Variants in KCND3 observed in about 807,000 individuals in gnomAD.
KCND3 encodes A-type voltage-gated potassium channel KCND3.
KCND3 carries 9 observed loss-of-function variants against 51.1 expected under a neutral mutation model. That is an observed-to-expected ratio of 0.18 (90% CI 0.11 to 0.31). The LOEUF (loss-of-function observed/expected upper bound fraction) is 0.31, where lower values mean the gene tolerates loss of function less well. Ranked by LOEUF, KCND3 falls within the 10% of genes least tolerant of loss-of-function variation. The pLI is 1.00. For missense variants in KCND3, 526 were observed against 903.8 expected, an observed-to-expected ratio of 0.58 and a Z score of 5.36; for synonymous variants, 349 against 368.0, an observed-to-expected ratio of 0.95 and a Z score of 0.59.
intron 2 of KCND3, among the ~76,000 whole-genome samples, chr1:111,937,290 G>C (rs550929016): frequency 6.6e-6 from 1 of 152,236 alleles, no homozygotes; most frequent in Admixed American, 6.5e-5. Context: ...TCTCTTCCTG[G>C]AAACAGACAC....
chr1:111,810,677 G>A (rs906480118), intron 2 of KCND3, among the ~76,000 whole-genome samples: 2 of 152,206 alleles, frequency 1.3e-5, no homozygotes, highest in African/African-American at 2.4e-5. Context: ...GGGCGAGAAC[G>A]GAGTAACCTC....
At position 111,775,895 on chromosome 1, in the gene KCND3, G is replaced by T; in HGVS notation, c.*182C>A. ...AGGGCTATGTCCACGCTAGCAGCGT[G>T]AACCTCAGGTGCCCCTTTGCTACCT... On this transcript the variant is annotated 3_prime_UTR_variant, in exon 8 of 8. Coordinates refer to ENST00000302127, the MANE Select transcript of KCND3 (RefSeq NM_001378969.1). 3.3e-6 allele frequency: 2 copies of T among 608,206 alleles called. No individual in the cohort carries two copies. The highest frequency in any genetic ancestry group is 3.4e-5 in the East Asian group (1 of 29,414). The allele number at this position is 608,206 out of a possible 1,614,324, so 37.7% of individuals were successfully genotyped here.
intron 6 of KCND3, among the ~76,000 whole-genome samples, chr1:111,777,850 A>G (rs1188501687): frequency 2.0e-5 from 3 of 152,208 alleles, no homozygotes; most frequent in Non-Finnish European, 4.4e-5. Flanking sequence ...ATTATGGGAT[A>G]TGAGTCCTTA....
intron 2 of KCND3, among the ~76,000 whole-genome samples, chr1:111,798,906 AG>A (rs1665172306): frequency 6.6e-6 from 1 of 151,980 alleles, no homozygotes; most frequent in Non-Finnish European, 1.5e-5. Flanking sequence ...TCCAATAAAA[AG>A]GAACAAATCT....
rs1405524938 is a variant in KCND3 at position 111,770,963 on chromosome 1, G to T, written c.*5114C>A. 2.6e-5 allele frequency: 4 copies of T among 152,102 alleles called. No individual in the cohort carries two copies. The highest frequency in any genetic ancestry group is 9.7e-5 in the African/African-American group (4 of 41,416). 9.4% of individuals were successfully genotyped at this position (152,102 alleles called of 1,614,324 possible). A position where few individuals can be genotyped will look rare whatever the true frequency, so the allele number is the denominator to read the frequency against. ...TGATGTATCTCACGATGACATTAAT[G>T]GGGGGAAGGGTGTGACCTCTAAGGA... On this transcript the variant is annotated 3_prime_UTR_variant, in exon 8 of 8. Coordinates refer to ENST00000302127, the MANE Select transcript of KCND3 (RefSeq NM_001378969.1).
chr1:111,900,631 G>C (rs891175538), intron 2 of KCND3, among the ~76,000 whole-genome samples: 1 of 151,770 alleles, frequency 6.6e-6, no homozygotes, highest in African/African-American at 2.4e-5. Context: ...CATATGCCCA[G>C]TGCCTGGTAA....
At position 111,842,281 on chromosome 1, in the gene KCND3, C is replaced by A. The variant is rs552688888; in HGVS notation, c.1107-55175G>T. Among the ~76,000 whole-genome samples the A allele has an allele frequency of 2.2e-3, 342 of 152,336 alleles. 4 individuals carry two copies. The South Asian group carries it at 0.026, about 12-fold the overall frequency. On this transcript the variant is annotated intron_variant, in intron 2 of 7. Transcript: ENST00000302127. Reference sequence around the variant, plus strand: ...GCCCCAGCTGTCCAGGCCCCCCAACCCACCCTGAGCGGGCCATGCTGCCCA... The same window carrying A: ...GCCCCAGCTGTCCAGGCCCCCCAACACACCCTGAGCGGGCCATGCTGCCCA...
At chr1:111,830,571 C>T (rs1666792012) in intron 2 of KCND3, among the ~76,000 whole-genome samples, 1 of 152,214 alleles carries the variant, frequency 6.6e-6, no homozygotes, top group Admixed American at 6.5e-5. Flanking sequence ...TGGGTGGCTC[C>T]TTAGGTTTTC....
intron 2 of KCND3, among the ~76,000 whole-genome samples, chr1:111,852,149 T>G (rs1211749926): frequency 6.6e-6 from 1 of 152,236 alleles, no homozygotes; most frequent in East Asian, 1.9e-4. Context: ...ATTAATCAGG[T>G]GCCTACTATG....
At chr1:111,939,581 T>G (rs1005182162) in intron 2 of KCND3, among the ~76,000 whole-genome samples, 9 of 152,222 alleles carry the variant, frequency 5.9e-5, no homozygotes, top group Admixed American at 4.6e-4. Flanking sequence ...CTGCATAGTA[T>G]TCCATGGTGT....
At chr1:111,787,332 G>A (rs1193007535) in intron 2 of KCND3, among the ~76,000 whole-genome samples, 2 of 152,212 alleles carry the variant, frequency 1.3e-5, no homozygotes. Context: ...ACAATTAAGT[G>A]AATACATAAA....
chr1:111,965,438 C>CCACACACACA (rs56156826), intron 2 of KCND3, among the ~76,000 whole-genome samples: 6,979 of 72,176 alleles, frequency 0.097, 970 homozygotes, highest in East Asian at 0.15. Flanking sequence ...GCCAGCAAAA[C>CCACACACACA]CACACACACA....
chr1:111,889,338 C>T (rs1275012434), intron 2 of KCND3, among the ~76,000 whole-genome samples: 1 of 152,204 alleles, frequency 6.6e-6, no homozygotes, highest in Non-Finnish European at 1.5e-5. Context: ...CTGCTAGTCC[C>T]ACTGCCTGCA....
chr1:111,857,133 C>T (rs1668111949), intron 2 of KCND3, among the ~76,000 whole-genome samples: 1 of 152,184 alleles, frequency 6.6e-6, no homozygotes, highest in Non-Finnish European at 1.5e-5. Context: ...AGTAAGTGAA[C>T]ATCTGTAAAA....
intron 2 of KCND3, among the ~76,000 whole-genome samples, chr1:111,857,684 C>T (rs766686435): frequency 2.6e-5 from 4 of 151,564 alleles, no homozygotes; most frequent in Non-Finnish European, 4.4e-5. Flanking sequence ...CCCCCTTTCT[C>T]GGTGGAAGGT....
intron 2 of KCND3, among the ~76,000 whole-genome samples, chr1:111,832,912 A>G (rs574937202): frequency 2.0e-5 from 3 of 152,276 alleles, no homozygotes; most frequent in African/African-American, 4.8e-5. Context: ...CCAGCTCACC[A>G]CCAGCAAACA....
rs1664071650 is a variant in KCND3, at chr1:111,775,679, A to C, written c.*398T>G. 3.5e-6 allele frequency: 1 copy of C among 286,588 alleles called. No homozygotes were observed. Among genetic ancestry groups the C allele is most frequent in the Non-Finnish European group, 6.8e-6 (1 of 146,964 alleles). The allele number at this position is 286,588 out of a possible 1,614,324, so 17.8% of individuals were successfully genotyped here. A position where few individuals can be genotyped will look rare whatever the true frequency, so the allele number is the denominator to read the frequency against. On this transcript the variant is annotated 3_prime_UTR_variant, in exon 8 of 8. Transcript: ENST00000302127. Reference sequence around the variant, plus strand: ...ATTTTCTTCCTGTTTTGCTTGTGACAACTTGGCCTCTTTGCTGCTCTTGGT... The same window carrying C: ...ATTTTCTTCCTGTTTTGCTTGTGACCACTTGGCCTCTTTGCTGCTCTTGGT...
intron 2 of KCND3, among the ~76,000 whole-genome samples, chr1:111,952,188 G>C (rs983658037): frequency 6.6e-6 from 1 of 152,196 alleles, no homozygotes; most frequent in Non-Finnish European, 1.5e-5. Context: ...CATTAGGCAA[G>C]AGCTGCTTTC....
intron 2 of KCND3, among the ~76,000 whole-genome samples, chr1:111,964,211 G>C (rs184525049): frequency 1.3e-5 from 2 of 152,334 alleles, no homozygotes; most frequent in Admixed American, 1.3e-4. Flanking sequence ...GGACTTGACT[G>C]TCTGCCCTGG....
Sources: gnomAD v4.1 joint callset for allele counts (sites outside exome capture counted in the v4.1 genomes callset) on GRCh38, gnomAD v4.1.1 for gene constraint, MANE v1.5 for transcripts, NCBI Gene and HGNC (gene_info 2026-07-23, HGNC 2026-07-21) for gene names.